Variants in EVC2 observed in about 807,000 individuals in gnomAD.
The protein encoded by EVC2 is limbin.
In EVC2, 148 loss-of-function variants were observed where a neutral mutation model predicts 149.3. The observed-to-expected ratio is 0.99, with a 90% CI of 0.87 to 1.14. The LOEUF (loss-of-function observed/expected upper bound fraction) is 1.14. Ranked by LOEUF, EVC2 falls within the 50% of genes most tolerant of loss-of-function variation. EVC2 has a pLI of 0.00. For missense variants in EVC2, 1,854 were observed against 1,627.3 expected (o/e 1.14, Z -2.40); for synonymous variants, 776 against 649.9 (o/e 1.19, Z -2.95).
chr4:5,663,605 G>A (rs1408648422), intron 8 of EVC2, among the ~76,000 whole-genome samples: 1 of 152,216 alleles, frequency 6.6e-6, no homozygotes, highest in Non-Finnish European at 1.5e-5. Context: ...TGACATCAGA[G>A]ATCTGGCTAG....
intron 9 of EVC2, among the ~76,000 whole-genome samples, chr4:5,650,282 G>A (rs1718012917): frequency 6.6e-6 from 1 of 152,030 alleles, no homozygotes; most frequent in South Asian, 2.1e-4. Flanking sequence ...GGCAAAAAGG[G>A]GAAGTAGGAC....
chr4:5,688,984 T>C lies in EVC2; in HGVS notation c.706+173A>G, dbSNP rs28483214. On this transcript the variant is annotated intron_variant, in intron 5 of 21. Coordinates refer to ENST00000344408, the MANE Select transcript of EVC2 (RefSeq NM_147127.5). ...CAGCTTTTTGGTTACAGATATTGAA[T>C]GTGGTCTCTTTTCTCTTTTTTTGAT... 8.6e-3 allele frequency among the ~76,000 whole-genome samples: 1,314 copies of C among 152,344 alleles called. 15 individuals are homozygous for C. Among genetic ancestry groups the C allele is most frequent in the South Asian group, 0.046 (220 of 4,818 alleles).
intron 16 of EVC2, among the ~76,000 whole-genome samples, chr4:5,593,006 G>C (rs751984457): frequency 9.9e-5 from 15 of 152,116 alleles, no homozygotes; most frequent in African/African-American, 1.2e-4. Context: ...GAGATCTGAT[G>C]GTTTTTTAAG....
chr4:5,588,152 A>G (rs536134051), intron 16 of EVC2, among the ~76,000 whole-genome samples: 1 of 152,320 alleles, frequency 6.6e-6, no homozygotes, highest in African/African-American at 2.4e-5. Context: ...CTTGAAAGAT[A>G]TACTTTCTGA....
chr4:5,650,628 T>TAGAGAGAG (rs1239090686), intron 9 of EVC2, among the ~76,000 whole-genome samples: 1 of 77,362 alleles, frequency 1.3e-5, no homozygotes, highest in Non-Finnish European at 2.7e-5. Flanking sequence ...TATATATATA[T>TAGAGAGAG]ATATATATAT....
chr4:5,695,651 A>C (rs1017579430), intron 2 of EVC2, among the ~76,000 whole-genome samples: 1 of 152,242 alleles, frequency 6.6e-6, no homozygotes, highest in East Asian at 1.9e-4. Flanking sequence ...ACTGCACATG[A>C]AAGTGCTTAG....
intron 9 of EVC2, among the ~76,000 whole-genome samples, chr4:5,642,265 T>C (rs1717387855): frequency 6.6e-6 from 1 of 152,224 alleles, no homozygotes; most frequent in Admixed American, 6.5e-5. Flanking sequence ...CATCATTCAA[T>C]TAGAATTAAT....
chr4:5,549,740 CTGAA>C (rs1174807510), intron 21 of EVC2, among the ~76,000 whole-genome samples: 62 of 152,112 alleles, frequency 4.1e-4, no homozygotes, highest in Admixed American at 9.2e-4. Context: ...AAGTAAATAA[CTGAA>C]TGAATTTTAT....
At chr4:5,593,584 G>T (rs1175693840) in intron 16 of EVC2, among the ~76,000 whole-genome samples, 1 of 152,184 alleles carries the variant, frequency 6.6e-6, no homozygotes, top group African/African-American at 2.4e-5. Context: ...ATTCTAGGGG[G>T]TGGAGCAAAG....
intron 7 of EVC2, among the ~76,000 whole-genome samples, chr4:5,669,145 T>C (rs779255330): frequency 6.6e-6 from 1 of 152,206 alleles, no homozygotes. Context: ...AGGGTCTTTA[T>C]AAACAGCATG....
chr4:5,628,591 G>A lies in EVC2; in HGVS notation c.1854C>T (p.Ala618=), dbSNP rs139729159. Residue 618 remains alanine (A), a synonymous_variant, in exon 12 of 22, where the codon GCC becomes GCT. Coordinates refer to ENST00000344408, the MANE Select transcript of EVC2 (RefSeq NM_147127.5). ...GCTTCTGAATGAGGTGAGTCAGCTG[G>A]GCTGCAGCGGTGCTCAGAAGGCCCT... The part of the protein sequence containing the change: ...RVQGLLSTAA[A]QLTHLIQKHE... The A allele has an allele frequency of 3.5e-5, 56 of 1,613,780 alleles. No homozygotes were observed. Among genetic ancestry groups the A allele is most frequent in the Non-Finnish European group, 8.5e-6 (10 of 1,180,000 alleles).
At chr4:5,654,610 G>A (rs1401127299) in intron 9 of EVC2, among the ~76,000 whole-genome samples, 2 of 152,138 alleles carry the variant, frequency 1.3e-5, no homozygotes, top group African/African-American at 4.8e-5. Flanking sequence ...GGGGTGGCTG[G>A]AGTTTTGCTG....
rs755806909 is a variant in EVC2, at chr4:5,618,437, G to A, written c.2706+41C>T. 18 of 1,609,478 alleles carry A rather than the reference G, an allele frequency of 1.1e-5. No individual in the cohort carries two copies. Among genetic ancestry groups the A allele is most frequent in the Non-Finnish European group, 1.4e-5 (16 of 1,177,858 alleles). On this transcript the variant is annotated intron_variant, in intron 15 of 21. Transcript: ENST00000344408. The surrounding 1 kb of genome is among the most constrained non-coding windows in gnomAD (Gnocchi z 4.4). ...CCTGTAGGGCCAGCAGCTGGGAGAC[G>A]GCCCTGCTTCTGTAATCGGCCACTG...
At chr4:5,604,503 A>G (rs985748741) in intron 16 of EVC2, among the ~76,000 whole-genome samples, 2 of 152,148 alleles carry the variant, frequency 1.3e-5, no homozygotes, top group Admixed American at 1.3e-4. Context: ...AAAAGAACGG[A>G]TCTCATGGAG....
At position 5,567,023 on chromosome 4, in the gene EVC2, T is replaced by C. The variant is rs1279300314; in HGVS notation, c.3557+1421A>G. Among the ~76,000 whole-genome samples, 1 of 152,156 alleles carries C rather than the reference T, an allele frequency of 6.6e-6. No homozygotes were observed. Among genetic ancestry groups the C allele is most frequent in the Non-Finnish European group, 1.5e-5 (1 of 68,028 alleles). On this transcript the variant is annotated intron_variant, in intron 20 of 21. Transcript: ENST00000344408. The surrounding 1 kb of genome is among the most constrained non-coding windows in gnomAD (Gnocchi z 4.4). Reference sequence around the variant, plus strand: ...TAATATTCCATGGAGGAGCGTAGCATAGAGCATGTAACTGTCATCCTGTCA... The same window carrying C: ...TAATATTCCATGGAGGAGCGTAGCACAGAGCATGTAACTGTCATCCTGTCA...
chr4:5,695,150 C>T (rs1469396233), intron 2 of EVC2, among the ~76,000 whole-genome samples: 3 of 152,076 alleles, frequency 2.0e-5, no homozygotes, highest in African/African-American at 4.8e-5. Flanking sequence ...GAGATCGAGA[C>T]TATCCTGGCC....
In EVC2 at chr4:5,683,363, A is replaced by G. The variant is rs117529963; in HGVS notation, c.816+2007T>C. Among the ~76,000 whole-genome samples the G allele has an allele frequency of 2.2e-3, 341 of 152,350 alleles. 6 individuals carry two copies. In the East Asian group the frequency reaches 0.039, roughly 18 times the overall value. On this transcript the variant is annotated intron_variant, in intron 6 of 21. Coordinates refer to ENST00000344408, the MANE Select transcript of EVC2 (RefSeq NM_147127.5). ...TGCAGATAAGAGCCTAAAGCGTGCT[A>G]TCAAAGCTTGTCTTCAGCTCTTTGT...
chr4:5,584,698 C>A lies in EVC2; in HGVS notation c.2982G>T (p.Leu994Phe). ...AYTALLSIQDLLLEELSASEM... is the reference protein window; with the variant it reads ...AYTALLSIQDFLLEELSASEM... The stretch of plus-strand genomic sequence containing the variant: ...CAGATGCACTCAGCTCTTCCAGGAG[C>A]AAGTCCTGGATGCTGAGGAGGGCGG... Residue 994 changes from leucine (L) to phenylalanine (F), a missense_variant, in exon 17 of 22, where the codon TTG becomes TTT. Physicochemically the swap from Leu to Phe is conservative, Grantham distance 22. Coordinates refer to ENST00000344408, the MANE Select transcript of EVC2 (RefSeq NM_147127.5). 9 of 1,614,100 alleles carry A rather than the reference C, an allele frequency of 5.6e-6. No individual in the cohort carries two copies. Among genetic ancestry groups the A allele is most frequent in the South Asian group, 2.2e-5 (2 of 91,040 alleles).
intron 17 of EVC2, among the ~76,000 whole-genome samples, chr4:5,580,565 C>T (rs1433975643): frequency 6.6e-6 from 1 of 152,192 alleles, no homozygotes; most frequent in African/African-American, 2.4e-5. Flanking sequence ...ATGAATCATG[C>T]ACTGGAGGCT....
Sources: gnomAD v4.1 joint callset for allele counts (sites outside exome capture counted in the v4.1 genomes callset) on GRCh38, gnomAD v4.1.1 for gene constraint, Gnocchi (gnomAD v3.1) non-coding constraint, MANE v1.5 for transcripts, NCBI Gene and HGNC (gene_info 2026-07-23, HGNC 2026-07-21) for gene names.